Variants in SYTL3 observed in about 807,000 individuals in gnomAD.
The protein encoded by SYTL3 is synaptotagmin like 3.
Under a neutral mutation model 82.1 loss-of-function variants are expected in SYTL3, and 88 were observed. That is an observed-to-expected ratio of 1.07 (90% CI 0.90 to 1.28). The LOEUF (loss-of-function observed/expected upper bound fraction) is 1.28. Among genes scored for constraint, SYTL3 ranks in the 50% most tolerant of loss-of-function variants. The pLI is 0.00. For missense variants in SYTL3, 831 were observed against 757.6 expected (o/e 1.10, Z -1.14); for synonymous variants, 311 against 289.4 (o/e 1.07, Z -0.76).
chr6:158,692,073 C>T lies in SYTL3; in HGVS notation c.394+9084C>T, dbSNP rs1213310687. 9.8e-4 allele frequency among the ~76,000 whole-genome samples: 142 copies of T among 145,350 alleles called. 1 individual carries two copies. Among genetic ancestry groups the T allele is most frequent in the African/African-American group, 3.2e-3 (127 of 40,024 alleles). ...GAGATCGAGACCATCCTGGCTAACA[C>T]GGTGAAACCCCGTCTCTACTAAAAA... On this transcript the variant is annotated intron_variant, in intron 6 of 17. Transcript: ENST00000611299.
chr6:158,650,148 G>C (rs141476812), intron 1 of SYTL3, 70 bp downstream of exon 1: 2 of 152,206 alleles, frequency 1.3e-5, no homozygotes, highest in Non-Finnish European at 2.9e-5. Context: ...GGTGGGTAGA[G>C]ATTATAGTTA....
intron 4 of SYTL3, 139 bp downstream of exon 4, chr6:158,663,517 G>A: frequency 1.4e-6 from 2 of 1,459,680 alleles, no homozygotes; most frequent in Non-Finnish European, 9.0e-7. Context: ...GGGTCCTAAC[G>A]AAGGTCTGTT....
chr6:158,669,247 C>CAT (rs1777097103), intron 5 of SYTL3, among the ~76,000 whole-genome samples: 1 of 152,194 alleles, frequency 6.6e-6, no homozygotes, highest in Non-Finnish European at 1.5e-5. Flanking sequence ...TATACTGTGT[C>CAT]ATAACTAATT....
intron 5 of SYTL3, among the ~76,000 whole-genome samples, chr6:158,674,147 C>G (rs1024725670): frequency 1.7e-4 from 25 of 150,580 alleles, no homozygotes; most frequent in African/African-American, 6.1e-4. Flanking sequence ...AATCTTCTCC[C>G]TCAACATTTA....
intron 5 of SYTL3, among the ~76,000 whole-genome samples, chr6:158,678,649 AC>A (rs1778321345): frequency 1.3e-5 from 2 of 151,946 alleles, no homozygotes; most frequent in Non-Finnish European, 2.9e-5. Context: ...GATGCTGAAA[AC>A]CCCAGAAGTT....
intron 6 of SYTL3, among the ~76,000 whole-genome samples, chr6:158,699,841 C>T (rs1196236450): frequency 4.0e-5 from 6 of 151,662 alleles, no homozygotes; most frequent in East Asian, 3.9e-4. Context: ...CCAGCTACTC[C>T]GAGCCTGAGG....
intron 14 of SYTL3, among the ~76,000 whole-genome samples, chr6:158,758,617 C>T (rs1789480122): frequency 6.6e-6 from 1 of 152,152 alleles, no homozygotes; most frequent in African/African-American, 2.4e-5. Context: ...CAGGTTTCAG[C>T]TGAGGCCTCC....
chr6:158,700,596 G>T (rs1352309121), intron 6 of SYTL3, among the ~76,000 whole-genome samples: 3 of 151,956 alleles, frequency 2.0e-5, no homozygotes. Flanking sequence ...AGTGTTGGTT[G>T]CTACTGATGT....
chr6:158,674,775 A>G (rs138578475), intron 5 of SYTL3, among the ~76,000 whole-genome samples: 218 of 152,314 alleles, frequency 1.4e-3, no homozygotes, highest in African/African-American at 5.1e-3. Flanking sequence ...ACTTGACATC[A>G]ACAGACGACA....
intron 8 of SYTL3, among the ~76,000 whole-genome samples, chr6:158,709,996 A>G (rs371945538): frequency 4.6e-5 from 7 of 152,158 alleles, no homozygotes; most frequent in African/African-American, 9.6e-5. Flanking sequence ...GATTGCGCCA[A>G]TGCGTTCCAG....
Position 158,713,822 on chromosome 6 carries a change from G to T in SYTL3, c.539G>T (p.Arg180Ile). ...PGRLQEFGQFRGFNKSVENLF... is the reference protein window; with the variant it reads ...PGRLQEFGQFIGFNKSVENLF... ...TAGTTACAGGAATTTGGTCAGTTTAGAGGATTTAATAAGTCCGTGGAAAAT... is the reference window on the plus strand; with the variant it reads ...TAGTTACAGGAATTTGGTCAGTTTATAGGATTTAATAAGTCCGTGGAAAAT... The change falls in exon 9 of 18, where the codon AGA becomes ATA. Residue 180 changes from arginine (R) to isoleucine (I), a missense_variant. By Grantham distance (97) the Arg-to-Ile change is moderately conservative. Coordinates refer to ENST00000611299, the MANE Select transcript of SYTL3 (RefSeq NM_001242394.2). 1.3e-6 allele frequency: 2 copies of T among 1,550,300 alleles called. No individual in the cohort carries two copies. Among genetic ancestry groups the T allele is most frequent in the Non-Finnish European group, 8.7e-7 (1 of 1,146,240 alleles).
At chr6:158,717,959 C>T (rs764542493) in intron 9 of SYTL3, 128 bp from the exon 10 acceptor site, 28 of 800,840 alleles carry the variant, frequency 3.5e-5, no homozygotes, top group South Asian at 8.3e-5. Flanking sequence ...CTTGCTCCTC[C>T]GTGCACTTTG....
intron 9 of SYTL3, among the ~76,000 whole-genome samples, chr6:158,715,562 A>G (rs1783271792): frequency 6.9e-6 from 1 of 144,698 alleles, no homozygotes; most frequent in South Asian, 2.3e-4. Flanking sequence ...AACAGCAAGC[A>G]TCCCTTCTCA....
At chr6:158,670,241 C>A (rs1031192797) in intron 5 of SYTL3, among the ~76,000 whole-genome samples, 1 of 152,092 alleles carries the variant, frequency 6.6e-6, no homozygotes, top group African/African-American at 2.4e-5. Context: ...TTCACAAAGG[C>A]AAATAACTAG....
At position 158,764,750 on chromosome 6, in the gene SYTL3, G is replaced by A. The variant is rs546335426; in HGVS notation, c.*146G>A. 1.9e-4 allele frequency: 111 copies of A among 593,538 alleles called. No individual in the cohort carries two copies. Among genetic ancestry groups the A allele is most frequent in the African/African-American group, 1.6e-3 (84 of 54,060 alleles). 36.8% of individuals were successfully genotyped at this position (593,538 alleles called of 1,614,324 possible). A position where few individuals can be genotyped will look rare whatever the true frequency, so the allele number is the denominator to read the frequency against. ...TGCGGCCCTGTCCCATGGCTTAACC[G>A]CCTATTGGTATCTGTGTATATTTAC... On this transcript the variant is annotated 3_prime_UTR_variant, in exon 18 of 18. Transcript: ENST00000611299.
At chr6:158,757,608 G>A (rs1040471009) in intron 14 of SYTL3, among the ~76,000 whole-genome samples, 3 of 147,926 alleles carry the variant, frequency 2.0e-5, no homozygotes, top group African/African-American at 5.0e-5. Context: ...AACAGCCCCC[G>A]CCTCAGCATC....
At chr6:158,691,595 A>G (rs917121161) in intron 6 of SYTL3, among the ~76,000 whole-genome samples, 4 of 152,056 alleles carry the variant, frequency 2.6e-5, no homozygotes, top group Admixed American at 2.6e-4. Flanking sequence ...CAACCATGAC[A>G]TTCTGTTACT....
At chr6:158,681,630 A>G (rs1477162816) in intron 5 of SYTL3, among the ~76,000 whole-genome samples, 2 of 152,130 alleles carry the variant, frequency 1.3e-5, no homozygotes, top group African/African-American at 2.4e-5. Flanking sequence ...GTGACTTGAG[A>G]TCGTGCCACT....
chr6:158,668,682 C>A (rs539493440), intron 5 of SYTL3, among the ~76,000 whole-genome samples: 61 of 152,104 alleles, frequency 4.0e-4, no homozygotes, highest in Non-Finnish European at 7.9e-4. Context: ...GGTAAAAGAG[C>A]AATCTGAGAG....
Sources: gnomAD v4.1 joint callset for allele counts (sites outside exome capture counted in the v4.1 genomes callset) on GRCh38, gnomAD v4.1.1 for gene constraint, MANE v1.5 for transcripts, NCBI Gene and HGNC (gene_info 2026-07-23, HGNC 2026-07-21) for gene names.